HMGCLL1: variants seen among roughly 807,000 people sequenced by gnomAD.
HMGCLL1 encodes the protein 3-hydroxymethyl-3-methylglutaryl-CoA lyase, cytoplasmic.
In HMGCLL1, 36 loss-of-function variants were observed where a neutral mutation model predicts 39.1. The observed-to-expected ratio is 0.92, with a 90% CI of 0.71 to 1.22. The LOEUF is 1.22. Ranked by LOEUF, HMGCLL1 falls within the 50% of genes most tolerant of loss-of-function variation. The probability of loss-of-function intolerance (pLI) is 0.00; values close to 1 mark genes in which losing one functional copy is unlikely to be tolerated. For missense variants in HMGCLL1, 451 were observed against 416.5 expected, an observed-to-expected ratio of 1.08 and a Z score of -0.72; for synonymous variants, 149 against 144.0, an observed-to-expected ratio of 1.03 and a Z score of -0.25.
intron 7 of HMGCLL1, among the ~76,000 whole-genome samples, chr6:55,475,488 G>T (rs2127406598): frequency 6.6e-6 from 1 of 151,736 alleles, no homozygotes; most frequent in South Asian, 2.1e-4. Flanking sequence ...CAGGGCAGAA[G>T]TTTGCTCTTC....
chr6:55,499,144 TA>T, intron 6 of HMGCLL1, 91 bp downstream of exon 6: 1 of 971,470 alleles, frequency 1.0e-6, no homozygotes, highest in Non-Finnish European at 1.6e-6. Context: ...GGCTTCATGC[TA>T]TGCAGATTCA....
chr6:55,494,602 C>G (rs1434685836), intron 7 of HMGCLL1, among the ~76,000 whole-genome samples: 1 of 152,088 alleles, frequency 6.6e-6, no homozygotes, highest in Non-Finnish European at 1.5e-5. Context: ...TGTTTTTTAA[C>G]TTCTGCCAAG....
At chr6:55,562,849 C>T (rs933596927) in intron 1 of HMGCLL1, among the ~76,000 whole-genome samples, 3 of 151,990 alleles carry the variant, frequency 2.0e-5, no homozygotes, top group Admixed American at 1.3e-4. Flanking sequence ...CAATCTCATA[C>T]ACAAATGTCC....
chr6:55,550,856 A>T (rs1190103344), intron 1 of HMGCLL1, among the ~76,000 whole-genome samples: 1 of 151,740 alleles, frequency 6.6e-6, no homozygotes, highest in Non-Finnish European at 1.5e-5. Context: ...TAAAAATCTT[A>T]CAATGCACAA....
chr6:55,446,705 G>A (rs757567046), intron 7 of HMGCLL1, among the ~76,000 whole-genome samples: 67 of 151,812 alleles, frequency 4.4e-4, no homozygotes, highest in Non-Finnish European at 9.0e-4. Context: ...ACTTTTTCTT[G>A]TTGCTGTATG....
chr6:55,563,436 A>G (rs954749921), intron 1 of HMGCLL1, among the ~76,000 whole-genome samples: 4 of 152,268 alleles, frequency 2.6e-5, no homozygotes, highest in African/African-American at 9.6e-5. Flanking sequence ...TCTACTGTAT[A>G]TGGAAATTCT....
chr6:55,497,356 T>A (rs1766635515), intron 6 of HMGCLL1, among the ~76,000 whole-genome samples: 1 of 152,146 alleles, frequency 6.6e-6, no homozygotes, highest in South Asian at 2.1e-4. Context: ...TTAATAATGA[T>A]GTGTTTGGTT....
chr6:55,440,376 C>T (rs1028930724), intron 7 of HMGCLL1, among the ~76,000 whole-genome samples: 1 of 152,128 alleles, frequency 6.6e-6, no homozygotes, highest in African/African-American at 2.4e-5. Flanking sequence ...AGGGAATCTA[C>T]ACTCTGCTTT....
the HMGCLL1 span, among the ~76,000 whole-genome samples, chr6:55,636,514 A>T: frequency 6.6e-6 from 1 of 152,262 alleles, no homozygotes; most frequent in East Asian, 1.9e-4. Flanking sequence ...CTCACAACCT[A>T]AATCTTTTAA....
At chr6:55,483,596 G>A (rs1765852322) in intron 7 of HMGCLL1, among the ~76,000 whole-genome samples, 1 of 152,122 alleles carries the variant, frequency 6.6e-6, no homozygotes, top group South Asian at 2.1e-4. Context: ...AAGGCGTGGT[G>A]TTATGTCAGA....
At chr6:55,655,536 G>GTAGATGATAGA in the HMGCLL1 span, among the ~76,000 whole-genome samples, 3 of 147,620 alleles carry the variant, frequency 2.0e-5, no homozygotes, top group Non-Finnish European at 3.0e-5. Flanking sequence ...AGTTATATTG[G>GTAGATGATAGA]TAGATAGATA....
the HMGCLL1 span, among the ~76,000 whole-genome samples, chr6:55,633,262 A>C: frequency 5.4e-3 from 820 of 152,022 alleles, 8 homozygotes; most frequent in Non-Finnish European, 7.5e-3. Flanking sequence ...AAATAAGAGA[A>C]TACCTATGGT....
chr6:55,582,999 G>A (rs553918637), upstream of HMGCLL1, among the ~76,000 whole-genome samples: 3 of 152,088 alleles, frequency 2.0e-5, no homozygotes, highest in East Asian at 3.9e-4. Flanking sequence ...ACGAATCTTT[G>A]TATGTATAAT....
intron 6 of HMGCLL1, among the ~76,000 whole-genome samples, chr6:55,495,936 T>A (rs1209309767): frequency 1.3e-5 from 2 of 152,136 alleles, no homozygotes; most frequent in African/African-American, 2.4e-5. Flanking sequence ...CTCAACACTA[T>A]AATCAAACCA....
At chr6:55,440,192 T>C (rs764103380) in intron 7 of HMGCLL1, among the ~76,000 whole-genome samples, 7 of 152,136 alleles carry the variant, frequency 4.6e-5, no homozygotes, top group Non-Finnish European at 1.0e-4. Flanking sequence ...GGTTCCTCAC[T>C]AAGTGCTGGA....
chr6:55,629,370 T>G, the HMGCLL1 span, among the ~76,000 whole-genome samples: 2 of 152,154 alleles, frequency 1.3e-5, no homozygotes, highest in Non-Finnish European at 2.9e-5. Flanking sequence ...AAGAAATTTC[T>G]AAGCAGCAAA....
At chr6:55,514,282 A>C (rs1038967504) in intron 4 of HMGCLL1, 86 bp from the exon 5 acceptor site, 2 of 952,490 alleles carry the variant, frequency 2.1e-6, no homozygotes, top group Non-Finnish European at 3.1e-6. Flanking sequence ...TACTCTATGA[A>C]GGCATACATG....
At chr6:55,677,252 T>C in the HMGCLL1 span, among the ~76,000 whole-genome samples, 1 of 152,128 alleles carries the variant, frequency 6.6e-6, no homozygotes, top group East Asian at 1.9e-4. Flanking sequence ...TAGCCAGGCA[T>C]GACGCTGCAC....
At chr6:55,644,540 T>G in the HMGCLL1 span, among the ~76,000 whole-genome samples, 1 of 152,078 alleles carries the variant, frequency 6.6e-6, no homozygotes, top group African/African-American at 2.4e-5. Flanking sequence ...GGTTTCAGAT[T>G]TATGTCTTTA....
Sources: gnomAD v4.1 joint callset for allele counts (sites outside exome capture counted in the v4.1 genomes callset) on GRCh38, gnomAD v4.1.1 for gene constraint, MANE v1.5 for transcripts, NCBI Gene and HGNC (gene_info 2026-07-23, HGNC 2026-07-21) for gene names.